FSTL5: variants seen among roughly 807,000 people sequenced by gnomAD.
FSTL5 encodes follistatin-related protein 5.
FSTL5 carries 62 observed loss-of-function variants against 89.1 expected under a neutral mutation model. That is an observed-to-expected ratio of 0.70 (90% confidence interval 0.57 to 0.86). The LOEUF is 0.86. FSTL5 is among the 40% of genes least tolerant of loss of function. The pLI is 0.00. For missense variants in FSTL5, 1,057 were observed against 1,001.6 expected, an observed-to-expected ratio of 1.06 and a Z score of -0.75; for synonymous variants, 383 against 346.2, an observed-to-expected ratio of 1.11 and a Z score of -1.18.
intron 15 of FSTL5, among the ~76,000 whole-genome samples, chr4:161,389,670 G>A (rs1730754392): frequency 6.6e-6 from 1 of 152,092 alleles, no homozygotes; most frequent in Non-Finnish European, 1.5e-5. Context: ...ACTTCCACGA[G>A]TTCCAATTTC....
intron 2 of FSTL5, among the ~76,000 whole-genome samples, chr4:162,040,361 T>A (rs1482792545): frequency 6.6e-6 from 1 of 152,026 alleles, no homozygotes; most frequent in African/African-American, 2.4e-5. Context: ...TCTCCAATAA[T>A]CCCACAACAA....
At position 161,927,843 on chromosome 4, in the gene FSTL5, A is replaced by T. The variant is rs190248468; in HGVS notation, c.161-7191T>A. On this transcript the variant is annotated intron_variant, in intron 3 of 15. Transcript: ENST00000306100. Reference sequence around the variant, plus strand: ...GTAATACATTGATATTTACTTTTTTAAATTAAGAGACTGTTTTTTAGAGCA... The same window carrying T: ...GTAATACATTGATATTTACTTTTTTTAATTAAGAGACTGTTTTTTAGAGCA... Among the ~76,000 whole-genome samples the T allele has an allele frequency of 1.6e-3, 248 of 151,834 alleles. 1 individual carries two copies. Among genetic ancestry groups the T allele is most frequent in the Non-Finnish European group, 1.7e-3 (112 of 67,778 alleles).
intron 7 of FSTL5, among the ~76,000 whole-genome samples, chr4:161,615,483 G>C (rs538836894): frequency 2.0e-5 from 3 of 149,656 alleles, no homozygotes; most frequent in Non-Finnish European, 3.0e-5. Flanking sequence ...AGAAATACAG[G>C]CCTTCTAAAT....
chr4:162,137,261 A>C (rs1292005046), intron 1 of FSTL5, among the ~76,000 whole-genome samples: 1 of 152,102 alleles, frequency 6.6e-6, no homozygotes, highest in Non-Finnish European at 1.5e-5. Flanking sequence ...ATAGTTTATT[A>C]ATGTCAAATC....
intron 6 of FSTL5, among the ~76,000 whole-genome samples, chr4:161,740,472 AG>A (rs1197268185): frequency 6.6e-6 from 1 of 152,048 alleles, no homozygotes; most frequent in Non-Finnish European, 1.5e-5. Context: ...ATATTATAAA[AG>A]AAAAAAAAAA....
chr4:161,897,089 C>T (rs958853159), intron 4 of FSTL5, among the ~76,000 whole-genome samples: 9 of 151,220 alleles, frequency 6.0e-5, no homozygotes, highest in Non-Finnish European at 1.0e-4. Flanking sequence ...TAGGTACCCG[C>T]CACACAAAAT....
At chr4:161,539,370 T>C (rs555639113) in intron 9 of FSTL5, among the ~76,000 whole-genome samples, 16 of 152,228 alleles carry the variant, frequency 1.1e-4, no homozygotes, top group African/African-American at 3.6e-4. Context: ...TTGCCATCGC[T>C]AGGAGCCAGT....
At chr4:161,561,332 AT>A (rs1732594671) in intron 8 of FSTL5, among the ~76,000 whole-genome samples, 1 of 152,010 alleles carries the variant, frequency 6.6e-6, no homozygotes, top group African/African-American at 2.4e-5. Context: ...TTCCTGTCTG[AT>A]TTTGGAGCTT....
chr4:161,841,422 C>A (rs928642334), intron 4 of FSTL5, among the ~76,000 whole-genome samples: 4 of 152,136 alleles, frequency 2.6e-5, no homozygotes, highest in Non-Finnish European at 5.9e-5. Context: ...ATTAAAATAA[C>A]TCTTCAGTCC....
chr4:162,057,800 C>T (rs1738594875), intron 2 of FSTL5, among the ~76,000 whole-genome samples: 1 of 152,010 alleles, frequency 6.6e-6, no homozygotes, highest in Admixed American at 6.6e-5. Flanking sequence ...AAAAATTAGT[C>T]GGGTGTGGTG....
intron 6 of FSTL5, among the ~76,000 whole-genome samples, chr4:161,743,789 A>G (rs141013267): frequency 6.6e-6 from 1 of 152,204 alleles, no homozygotes; most frequent in African/African-American, 2.4e-5. Flanking sequence ...TACTTTGGTT[A>G]TAAAATTATG....
intron 4 of FSTL5, among the ~76,000 whole-genome samples, chr4:161,795,880 C>A (rs1162210618): frequency 2.0e-5 from 3 of 151,878 alleles, no homozygotes; most frequent in African/African-American, 7.2e-5. Context: ...AAGTGTAATG[C>A]CTCCAGCTTT....
intron 4 of FSTL5, among the ~76,000 whole-genome samples, chr4:161,891,840 C>T (rs1428991221): frequency 6.6e-6 from 1 of 151,948 alleles, no homozygotes; most frequent in Non-Finnish European, 1.5e-5. Context: ...TCTTATAATG[C>T]TCATCAAGAA....
At chr4:161,513,303 G>GAGAGAGAGAGAGAGAGAC in intron 10 of FSTL5, among the ~76,000 whole-genome samples, 1 of 121,076 alleles carries the variant, frequency 8.3e-6, no homozygotes, top group Non-Finnish European at 1.8e-5. Context: ...GAGAGAGAGA[G>GAGAGAGAGAGAGAGAGAC]AGAGAGACAG....
chr4:162,043,009 G>C (rs1249822241), intron 2 of FSTL5, among the ~76,000 whole-genome samples: 2 of 151,316 alleles, frequency 1.3e-5, no homozygotes, highest in African/African-American at 4.8e-5. Context: ...TGACGAGTTA[G>C]TGGGTGCAGC....
chr4:161,771,252 T>C (rs757883982), intron 5 of FSTL5, among the ~76,000 whole-genome samples: 1 of 152,066 alleles, frequency 6.6e-6, no homozygotes, highest in Non-Finnish European at 1.5e-5. Context: ...TCTATTATAA[T>C]CTACTACATC....
intron 8 of FSTL5, among the ~76,000 whole-genome samples, chr4:161,551,032 C>T (rs1440075769): frequency 1.9e-4 from 29 of 151,866 alleles, no homozygotes; most frequent in South Asian, 1.5e-3. Flanking sequence ...TGAATAATGC[C>T]GCAATAAACA....
intron 15 of FSTL5, among the ~76,000 whole-genome samples, chr4:161,432,943 C>A (rs12510659): frequency 0.096 from 14,619 of 151,860 alleles, 955 homozygotes; most frequent in South Asian, 0.2. Flanking sequence ...AATAAATAGT[C>A]TTTGAGCAAA....
intron 4 of FSTL5, among the ~76,000 whole-genome samples, chr4:161,784,250 T>C (rs1560844154): frequency 6.6e-6 from 1 of 152,118 alleles, no homozygotes; most frequent in African/African-American, 2.4e-5. Flanking sequence ...ATGTCTTATA[T>C]ATTATGCTAC....
Sources: gnomAD v4.1 joint callset for allele counts (sites outside exome capture counted in the v4.1 genomes callset) on GRCh38, gnomAD v4.1.1 for gene constraint, MANE v1.5 for transcripts, NCBI Gene and HGNC (gene_info 2026-07-23, HGNC 2026-07-21) for gene names.